PTPN13: variants seen among roughly 807,000 people sequenced by gnomAD.
PTPN13 encodes tyrosine-protein phosphatase non-receptor type 13.
A neutral mutation model predicts 284.0 loss-of-function variants in PTPN13; 191 were observed. That is an observed-to-expected ratio of 0.67 (90% CI 0.60 to 0.76). The LOEUF is 0.76. PTPN13 is among the 30% of genes least tolerant of loss of function. The pLI is 0.00. For missense variants in PTPN13, 2,797 were observed against 2,939.9 expected, an observed-to-expected ratio of 0.95 and a Z score of 1.12; for synonymous variants, 986 against 1,022.3, an observed-to-expected ratio of 0.96 and a Z score of 0.68.
chr4:86,726,504 T>C lies in PTPN13; in HGVS notation c.1608+4070T>C, dbSNP rs939261620. ...TCTTTTATTTCGTTGAACAGTGGTT[T>C]GTAGTTCTGCTTGAAGAGGTCCTTT... On this transcript the variant is annotated intron_variant, in intron 10 of 47. Transcript: ENST00000411767. Among the ~76,000 whole-genome samples, 4 of 149,274 alleles carry C rather than the reference T, an allele frequency of 2.7e-5. 1 individual carries two copies. The highest frequency in any genetic ancestry group is 7.3e-5 in the African/African-American group (3 of 40,920).
intron 44 of PTPN13, among the ~76,000 whole-genome samples, 172 bp from the exon 45 acceptor site, chr4:86,807,388 A>G (rs1277335531): frequency 1.3e-5 from 2 of 152,246 alleles, no homozygotes; most frequent in Non-Finnish European, 2.9e-5. Flanking sequence ...AAGAATAAAC[A>G]TAAAATAATT....
chr4:86,714,441 T>A (rs1267467410), intron 7 of PTPN13, among the ~76,000 whole-genome samples: 10 of 152,242 alleles, frequency 6.6e-5, no homozygotes, highest in Middle Eastern at 3.4e-3. Flanking sequence ...ACATTTTTTT[T>A]AATCAGTTTT....
At position 86,717,135 on chromosome 4, in the gene PTPN13, A is replaced by G; in HGVS notation, c.1385+18A>G. 6.6e-7 allele frequency: 1 copy of G among 1,524,922 alleles called. No individual in the cohort carries two copies. The highest frequency in any genetic ancestry group is 9.1e-7 in the Non-Finnish European group (1 of 1,103,926). The allele number at this position is 1,524,922 out of a possible 1,614,324, so 94.5% of individuals were successfully genotyped here. A position where few individuals can be genotyped will look rare whatever the true frequency, so the allele number is the denominator to read the frequency against. ...AGACCGAGGTATGTCATGAAAAAGT[A>G]GTGATGATACATTTCCAGTGACCAG... On this transcript the variant is annotated intron_variant, in intron 9 of 47. Transcript: ENST00000411767.
At chr4:86,763,244 G>A (rs1047251666) in intron 24 of PTPN13, 54 bp downstream of exon 24, 11 of 1,403,990 alleles carry the variant, frequency 7.8e-6, no homozygotes, top group African/African-American at 1.4e-5. Flanking sequence ...CAAAATAGCA[G>A]CAAATAAGTT....
At chr4:86,774,701 TTATATATA>T (rs34474473) in intron 33 of PTPN13, among the ~76,000 whole-genome samples, 170 bp downstream of exon 33, 2 of 110,578 alleles carry the variant, frequency 1.8e-5, no homozygotes, top group Non-Finnish European at 3.8e-5. Context: ...GGAAATTATT[TTATATATA>T]TATATATATA....
chr4:86,775,108 G>A (rs775087736), intron 33 of PTPN13, 63 bp from the exon 34 acceptor site: 7 of 1,214,126 alleles, frequency 5.8e-6, no homozygotes, highest in Non-Finnish European at 7.9e-6. Context: ...GTATTTTCTT[G>A]GCAATTTAGC....
chr4:86,607,673 G>A (rs1343273243), intron 1 of PTPN13, among the ~76,000 whole-genome samples: 6 of 151,866 alleles, frequency 4.0e-5, no homozygotes, highest in African/African-American at 1.5e-4. Context: ...TATTAAGGTG[G>A]GGCAAAAAAT....
intron 8 of PTPN13, 55 bp downstream of exon 8, chr4:86,716,680 T>C: frequency 8.6e-7 from 1 of 1,159,698 alleles, no homozygotes; most frequent in Admixed American, 2.6e-5. Flanking sequence ...ATTATTATTA[T>C]TTTCAATAGT....
rs571770824 is a variant in PTPN13 at position 86,778,661 on chromosome 4, G to A, written c.5892-1741G>A. Among the ~76,000 whole-genome samples, 65 of 152,162 alleles carry A rather than the reference G, an allele frequency of 4.3e-4. 1 individual carries two copies. The highest frequency in any genetic ancestry group is 4.6e-4 in the Admixed American group (7 of 15,282). On this transcript the variant is annotated intron_variant, in intron 35 of 47. Coordinates refer to ENST00000411767, the MANE Select transcript of PTPN13 (RefSeq NM_080683.3). ...AGAATAAATTCCACAATGAAAGCAC[G>A]TATTTTGTCTTTTTGCATTTTGGTG...
intron 45 of PTPN13, among the ~76,000 whole-genome samples, chr4:86,809,323 T>C (rs745461948): frequency 2.6e-5 from 4 of 152,280 alleles, no homozygotes; most frequent in Non-Finnish European, 4.4e-5. Context: ...TTTTTCTTAA[T>C]AGAGCCATTT....
intron 1 of PTPN13, among the ~76,000 whole-genome samples, chr4:86,611,900 A>G (rs777885313): frequency 2.6e-5 from 4 of 152,206 alleles, no homozygotes; most frequent in Non-Finnish European, 4.4e-5. Flanking sequence ...GAGGCCTGAC[A>G]AGGAACCACA....
At chr4:86,615,966 C>G (rs938730395) in intron 1 of PTPN13, among the ~76,000 whole-genome samples, 2 of 152,158 alleles carry the variant, frequency 1.3e-5, no homozygotes, top group South Asian at 2.1e-4. Context: ...AGGGTCTAAG[C>G]TACTTTCAAT....
intron 46 of PTPN13, among the ~76,000 whole-genome samples, chr4:86,810,435 C>T (rs1745103367): frequency 6.7e-6 from 1 of 149,056 alleles, no homozygotes; most frequent in Admixed American, 6.8e-5. Flanking sequence ...TAAGTAGTTT[C>T]TAAACAATTA....
intron 7 of PTPN13, among the ~76,000 whole-genome samples, chr4:86,715,372 C>T (rs1479367646): frequency 1.3e-5 from 2 of 152,062 alleles, no homozygotes; most frequent in Admixed American, 6.6e-5. Flanking sequence ...CATATATATA[C>T]TTTTTGCCCA....
chr4:86,701,678 A>G lies in PTPN13; in HGVS notation c.1072A>G (p.Lys358Glu). ...SIALDIFGPQ[K>E]MDPIYHTREL... ...AGCCTTGGATATCTTTGGCCCTCAG[A>G]AAATGGATCCAATATATCACACTCG... The change falls in exon 7 of 48, where the codon AAA becomes GAA. Residue 358 changes from lysine to glutamate, a missense_variant. Lys to Glu is a moderately conservative substitution (Grantham distance 56). Coordinates refer to ENST00000411767, the MANE Select transcript of PTPN13 (RefSeq NM_080683.3). 1 of 1,613,956 alleles carries G rather than the reference A, an allele frequency of 6.2e-7. No homozygotes were observed. Among genetic ancestry groups the G allele is most frequent in the Non-Finnish European group, 8.5e-7 (1 of 1,179,858 alleles).
chr4:86,812,373 A>G lies in PTPN13; in HGVS notation c.7362+1265A>G, dbSNP rs746272535. On this transcript the variant is annotated intron_variant, in intron 47 of 47. Transcript: ENST00000411767. ...TGCCTGGAGCACATCAGTGAATAAA[A>G]CAAAGATCCTTGCTAGAATAACAAA... 4.9e-4 allele frequency among the ~76,000 whole-genome samples: 75 copies of G among 152,076 alleles called. 1 individual carries two copies. Among genetic ancestry groups the G allele is most frequent in the Non-Finnish European group, 7.4e-4 (50 of 67,986 alleles).
chr4:86,663,621 C>T (rs1489490348), intron 2 of PTPN13, among the ~76,000 whole-genome samples: 1 of 152,184 alleles, frequency 6.6e-6, no homozygotes, highest in Non-Finnish European at 1.5e-5. Flanking sequence ...GCAGCATGTT[C>T]TGAACCCCAT....
intron 1 of PTPN13, among the ~76,000 whole-genome samples, chr4:86,629,083 C>T (rs1412244022): frequency 1.3e-5 from 2 of 151,294 alleles, no homozygotes; most frequent in Admixed American, 1.3e-4. Flanking sequence ...CAACAAAAGC[C>T]AAAATTGACA....
chr4:86,787,145 A>G (rs960861488), intron 40 of PTPN13, among the ~76,000 whole-genome samples: 1 of 152,014 alleles, frequency 6.6e-6, no homozygotes, highest in Non-Finnish European at 1.5e-5. Context: ...CTTTTAAAAA[A>G]GTAAGGAAAG....
Sources: gnomAD v4.1 joint callset for allele counts (sites outside exome capture counted in the v4.1 genomes callset) on GRCh38, gnomAD v4.1.1 for gene constraint, MANE v1.5 for transcripts, NCBI Gene and HGNC (gene_info 2026-07-23, HGNC 2026-07-21) for gene names.